The following INPP5B variants were observed in gnomAD, a reference collection of about 807,000 sequenced individuals.
The protein encoded by INPP5B is type II inositol 1,4,5-trisphosphate 5-phosphatase.
In INPP5B, 90 loss-of-function variants were observed where a neutral mutation model predicts 118.5. The observed-to-expected ratio is 0.76, with a 90% CI of 0.64 to 0.90. The LOEUF is 0.90. INPP5B is among the 40% of genes least tolerant of loss of function. The pLI, the probability that INPP5B is intolerant of heterozygous loss-of-function variation, is 0.00. For missense variants in INPP5B, 984 were observed against 1,125.6 expected (o/e 0.87, Z 1.80); for synonymous variants, 385 against 418.9 (o/e 0.92, Z 0.99).
At chr1:37,869,727 G>A (rs946233673) in intron 19 of INPP5B, among the ~76,000 whole-genome samples, 3 of 150,288 alleles carry the variant, frequency 2.0e-5, no homozygotes, top group Non-Finnish European at 3.0e-5. Context: ...TGATCCACCC[G>A]CCTCAGCCTC....
In INPP5B at chr1:37,866,539, T is replaced by G; in HGVS notation, c.2306A>C (p.Asp769Ala). The G allele has an allele frequency of 6.3e-7, 1 of 1,590,840 alleles. No individual in the cohort carries two copies. ...YLYRNAVQQE[D>A]LFQQPGLRSE... ...CCTCAGGCCTGGTTGCTGAAACAGA[T>G]CTTCCTGCAAAAGGGAAGACAGTAA... Residue 769 changes from aspartate to alanine, a missense_variant, in exon 21 of 24, where the codon GAT becomes GCT. Transcript: ENST00000373024.
chr1:37,932,325 T>C (rs1414203398), intron 6 of INPP5B, among the ~76,000 whole-genome samples: 1 of 151,976 alleles, frequency 6.6e-6, no homozygotes, highest in Admixed American at 6.6e-5. Context: ...ACACCTTTTA[T>C]GAGGGAGGAA....
At chr1:37,885,917 C>T (rs1025615185) in intron 12 of INPP5B, 92 bp from the exon 13 acceptor site, 10 of 1,158,230 alleles carry the variant, frequency 8.6e-6, no homozygotes, top group Middle Eastern at 2.1e-4. Flanking sequence ...CGGTGGCTCA[C>T]GCCTGTAATC....
At chr1:37,935,067 G>T (rs1645633370) in intron 6 of INPP5B, among the ~76,000 whole-genome samples, 1 of 150,338 alleles carries the variant, frequency 6.7e-6, no homozygotes, top group Non-Finnish European at 1.5e-5. Context: ...CGGGCGTGCT[G>T]GCGGGCGCCT....
At chr1:37,912,356 A>C (rs1359146587) in intron 7 of INPP5B, among the ~76,000 whole-genome samples, 1 of 152,230 alleles carries the variant, frequency 6.6e-6, no homozygotes, top group Non-Finnish European at 1.5e-5. Flanking sequence ...CCTGGAAGTC[A>C]CAAGTGTTCA....
chr1:37,933,806 C>T (rs1182146605), intron 6 of INPP5B, among the ~76,000 whole-genome samples: 1 of 151,046 alleles, frequency 6.6e-6, no homozygotes, highest in Admixed American at 6.6e-5. Context: ...TAGGAAGTGA[C>T]AGACCTGGGA....
intron 7 of INPP5B, among the ~76,000 whole-genome samples, chr1:37,901,569 C>T (rs899745206): frequency 6.6e-6 from 1 of 152,116 alleles, no homozygotes; most frequent in African/African-American, 2.4e-5. Context: ...GCCAGGGGTA[C>T]ATAGCGTACT....
At chr1:37,888,380 C>T (rs750757327) in intron 9 of INPP5B, 36 bp from the exon 10 acceptor site, 8 of 1,338,512 alleles carry the variant, frequency 6.0e-6, no homozygotes, top group Non-Finnish European at 7.1e-6. Flanking sequence ...GACTCCGAAT[C>T]ACTATGGAGA....
At chr1:37,938,289 A>ATAAATAAAT (rs1296060735) in intron 6 of INPP5B, among the ~76,000 whole-genome samples, 3 of 148,394 alleles carry the variant, frequency 2.0e-5, no homozygotes, top group African/African-American at 7.3e-5. Context: ...AAATAAATAA[A>ATAAATAAAT]TAAATAAATA....
Position 37,878,126 on chromosome 1 carries a change from G to A in INPP5B, c.1677+62C>T. The A allele has an allele frequency of 2.5e-6, 4 of 1,575,926 alleles. No individual in the cohort carries two copies. The South Asian group carries it at 4.6e-5, about 18-fold the overall frequency. On this transcript the variant is annotated intron_variant, in intron 16 of 23. Transcript: ENST00000373024. ...GAAGAAACCAGAAAGACAAGAAATG[G>A]TCTTAGTTGTGAAAGCCAATTCCCT... is the stretch of plus-strand genomic sequence containing the variant.
Position 37,943,865 on chromosome 1 carries a change from C to T in INPP5B, c.181G>A (p.Ala61Thr). ...AGAGAGACATCGTCCCCGGTAATGG[C>T]CATCCTCCGGTGCGTATAGAGGAAG... is the stretch of plus-strand genomic sequence containing the variant. ...ALFLYTHRRM[A>T]ITGDDVSLDQ... The change falls in exon 4 of 24, where the codon GCC becomes ACC. Residue 61 changes from alanine (A) to threonine (T), a missense_variant. Ala to Thr is a moderately conservative substitution (Grantham distance 58). Around this residue, in one of 2 missense-constraint regions of INPP5B, gnomAD observed 350 missense variants for 334.6 expected, o/e 1.05. Transcript: ENST00000373024. The T allele has an allele frequency of 6.2e-7, 1 of 1,613,970 alleles. No homozygotes were observed.
chr1:37,887,767 T>C (rs1399888242), intron 10 of INPP5B, among the ~76,000 whole-genome samples: 1 of 152,090 alleles, frequency 6.6e-6, no homozygotes, highest in Non-Finnish European at 1.5e-5. Flanking sequence ...CAAACCTTGG[T>C]CTACATAAAT....
At chr1:37,898,260 G>T (rs573787147) in intron 7 of INPP5B, among the ~76,000 whole-genome samples, 1 of 152,168 alleles carries the variant, frequency 6.6e-6, no homozygotes, top group African/African-American at 2.4e-5. Flanking sequence ...TGGTTGCCAG[G>T]GGTTTTGGGG....
At chr1:37,899,935 C>G (rs977277912) in intron 7 of INPP5B, among the ~76,000 whole-genome samples, 1 of 151,618 alleles carries the variant, frequency 6.6e-6, no homozygotes, top group Non-Finnish European at 1.5e-5. Flanking sequence ...GGGATGATCT[C>G]GGTCTCCTGA....
rs755842605 is a variant in INPP5B, at chr1:37,946,258, G to T, written c.51C>A (p.Cys17Ter). ...GTTAGCACAGGAAGGATATGATGACGCAGTATTCCCCCTCAGCCAGCGTCT... is the reference window on the plus strand; with the variant it reads ...GTTAGCACAGGAAGGATATGATGACTCAGTATTCCCCCTCAGCCAGCGTCT... ...IQETLAEGEY[C>*]VIAVQGVLCE... Residue 17 changes from cysteine (C) to a stop codon, truncating the protein, a stop_gained, in exon 2 of 24, where the codon TGC (cysteine) becomes TGA (stop). Coordinates refer to ENST00000373024, the MANE Select transcript of INPP5B (RefSeq NM_005540.3). LOFTEE classifies it high-confidence loss of function. 1.9e-6 allele frequency: 3 copies of T among 1,610,680 alleles called. No homozygotes were observed.
intron 14 of INPP5B, among the ~76,000 whole-genome samples, chr1:37,881,106 C>T (rs921046086): frequency 3.9e-5 from 6 of 152,216 alleles, no homozygotes; most frequent in African/African-American, 1.4e-4. Context: ...TTAGGTACCA[C>T]TTAACAAACT....
chr1:37,915,425 A>G (rs1644831357), intron 7 of INPP5B, among the ~76,000 whole-genome samples: 2 of 152,248 alleles, frequency 1.3e-5, no homozygotes, highest in Non-Finnish European at 2.9e-5. Flanking sequence ...AAATAGTCTC[A>G]TGTCAGTTCA....
chr1:37,873,220 G>A, intron 18 of INPP5B, 55 bp from the exon 19 acceptor site: 1 of 1,276,968 alleles, frequency 7.8e-7, no homozygotes. Context: ...GAGGAAAGGG[G>A]AAAGAAGGCA....
intron 9 of INPP5B, 103 bp from the exon 10 acceptor site, chr1:37,888,447 C>T: frequency 5.0e-6 from 3 of 599,714 alleles, no homozygotes; most frequent in Non-Finnish European, 8.2e-6. Context: ...TGTGGACTGG[C>T]ATTTTGAGAC....
Sources: gnomAD v4.1 joint callset for allele counts (sites outside exome capture counted in the v4.1 genomes callset) on GRCh38, gnomAD v4.1.1 for gene constraint, gnomAD v4.1.1 regional missense constraint, MANE v1.5 for transcripts, NCBI Gene and HGNC (gene_info 2026-07-23, HGNC 2026-07-21) for gene names.